The following ABCB11 variants were observed in gnomAD, a reference collection of about 807,000 sequenced individuals.
ABCB11 encodes ATP binding cassette subfamily B member 11, also known as bile salt export pump.
Under a neutral mutation model 148.0 loss-of-function variants are expected in ABCB11, and 95 were observed. That is an observed-to-expected ratio of 0.64 (90% confidence interval 0.54 to 0.76). ABCB11 has a LOEUF of 0.76. Ranked by LOEUF, ABCB11 falls within the 30% of genes least tolerant of loss-of-function variation. The probability of loss-of-function intolerance (pLI) is 0.00; values close to 1 mark genes in which losing one functional copy is unlikely to be tolerated. For synonymous variants in ABCB11, 591 were observed against 555.4 expected (o/e 1.06, Z -0.90); for missense variants, 1,523 against 1,617.8 (o/e 0.94, Z 1.01).
chr2:168,973,099 C>G (rs1252198968), intron 13 of ABCB11, among the ~76,000 whole-genome samples: 3 of 152,048 alleles, frequency 2.0e-5, no homozygotes, highest in Non-Finnish European at 4.4e-5. Context: ...TATTTAGTGT[C>G]TGGAGAACTT....
At chr2:168,969,232 ATAACG>A in intron 16 of ABCB11, 113 bp downstream of exon 16, 1 of 939,472 alleles carries the variant, frequency 1.1e-6, no homozygotes. Context: ...TACCATCTAT[ATAACG>A]CCTGCCAGAG....
At chr2:168,917,405 A>G (rs573497106), downstream of ABCB11, among the ~76,000 whole-genome samples, 2 of 152,354 alleles carry the variant, frequency 1.3e-5, no homozygotes, top group South Asian at 4.1e-4. Context: ...TTACAGATCA[A>G]CTGGAAGAAA....
chr2:168,941,597 C>T (rs1420676328), intron 21 of ABCB11, among the ~76,000 whole-genome samples: 1 of 152,026 alleles, frequency 6.6e-6, no homozygotes, highest in African/African-American at 2.4e-5. Flanking sequence ...AAATCCACTC[C>T]TGGTGAAAAT....
At chr2:168,979,725 T>C (rs1694068973) in intron 11 of ABCB11, 141 bp downstream of exon 11, 2 of 381,542 alleles carry the variant, frequency 5.2e-6, no homozygotes, top group South Asian at 4.1e-5. Flanking sequence ...CATGATAGCA[T>C]TTAATAAGTG....
chr2:169,023,105 C>G (rs1206348819), intron 1 of ABCB11, among the ~76,000 whole-genome samples: 3 of 152,092 alleles, frequency 2.0e-5, no homozygotes, highest in African/African-American at 7.2e-5. Flanking sequence ...CTTTCATGCA[C>G]AGCTAATGAG....
chr2:169,022,460 A>G lies in ABCB11; in HGVS notation c.-27-4308T>C, dbSNP rs561994801. On this transcript the variant is annotated intron_variant, in intron 1 of 27. Coordinates refer to ENST00000650372, the MANE Select transcript of ABCB11 (RefSeq NM_003742.4). Reference sequence around the variant, plus strand: ...TAGTAAATTTGAAAACCAGGTTAAGATTAATTTTCTAGAAAAATATGAGTT... The same window carrying G: ...TAGTAAATTTGAAAACCAGGTTAAGGTTAATTTTCTAGAAAAATATGAGTT... Among the ~76,000 whole-genome samples, 4 of 152,124 alleles carry G rather than the reference A, an allele frequency of 2.6e-5. No individual in the cohort carries two copies. The East Asian group carries it at 7.7e-4, about 29-fold the overall frequency.
At chr2:169,028,974 G>T (rs1200710049) in intron 1 of ABCB11, among the ~76,000 whole-genome samples, 2 of 152,118 alleles carry the variant, frequency 1.3e-5, no homozygotes, top group African/African-American at 2.4e-5. Context: ...GGCCAAGATG[G>T]TAAGAAGAAT....
intron 19 of ABCB11, among the ~76,000 whole-genome samples, chr2:168,952,517 A>G (rs1345252804): frequency 6.6e-6 from 1 of 151,476 alleles, no homozygotes; most frequent in Non-Finnish European, 1.5e-5. Flanking sequence ...AGGTTTTCAT[A>G]ATAGTCTGTG....
downstream of ABCB11, among the ~76,000 whole-genome samples, chr2:168,915,816 T>C (rs1345207421): frequency 1.3e-5 from 2 of 152,346 alleles, no homozygotes; most frequent in South Asian, 4.1e-4. Context: ...CTGGCCTTCA[T>C]CTAGCTGCAA....
Position 168,975,692 on chromosome 2 carries a change from TTA to T in ABCB11, c.1308+883_1308+884del, listed in dbSNP as rs1232980111. 1.1e-4 allele frequency among the ~76,000 whole-genome samples: 3 copies of T among 26,498 alleles called. 1 individual carries two copies. Among genetic ancestry groups the T allele is most frequent in the Non-Finnish European group, 2.8e-4 (3 of 10,814 alleles). The allele number at this position is 26,498 out of a possible 152,430, so 17.4% of individuals were successfully genotyped here. ...TATTATATAAATATTTACCTGCATT[TTA>T]TATATATGTTTACCTTCTCTCTGTA... On this transcript the variant is annotated intron_variant, in intron 12 of 27. Coordinates refer to ENST00000650372, the MANE Select transcript of ABCB11 (RefSeq NM_003742.4).
chr2:169,003,155 T>G (rs941254097), intron 5 of ABCB11, among the ~76,000 whole-genome samples: 2 of 151,984 alleles, frequency 1.3e-5, no homozygotes, highest in African/African-American at 2.4e-5. Context: ...ATCATTCTCA[T>G]GCCTTTGTGT....
At chr2:168,988,095 T>C (rs1694387841) in intron 9 of ABCB11, among the ~76,000 whole-genome samples, 1 of 152,162 alleles carries the variant, frequency 6.6e-6, no homozygotes, top group African/African-American at 2.4e-5. Context: ...AACACATTTC[T>C]TGACTTTATA....
At chr2:168,930,625 C>G (rs1405629377) in intron 25 of ABCB11, 40 bp downstream of exon 25, 1 of 1,448,884 alleles carries the variant, frequency 6.9e-7, no homozygotes, top group Non-Finnish European at 9.1e-7. Context: ...TGGAAATACT[C>G]TGCAGAAGGC....
rs758808335 is a variant in ABCB11, at chr2:168,923,620, G to A, written c.*2C>T. On this transcript the variant is annotated 3_prime_UTR_variant, in exon 28 of 28. Coordinates refer to ENST00000650372, the MANE Select transcript of ABCB11 (RefSeq NM_003742.4). ...ATGTGTGTCTGAGATTCTTGCATTG[G>A]GTCAACTGATGGGGGATCCAGTGGT... is the stretch of plus-strand genomic sequence containing the variant. 4 of 1,613,608 alleles carry A rather than the reference G, an allele frequency of 2.5e-6. No individual in the cohort carries two copies. In the Admixed American group the frequency reaches 6.7e-5, roughly 27 times the overall value.
rs756857601 is a variant in ABCB11, at chr2:168,996,739, A to G, written c.390-17T>C. ...TTCAGCAACCTTCAAAAGAGGGAAA[A>G]GAATGTTCAGACTTGCAAGTAGGAT... On this transcript the variant is annotated splice_polypyrimidine_tract_variant and intron_variant, in intron 5 of 27. Coordinates refer to ENST00000650372, the MANE Select transcript of ABCB11 (RefSeq NM_003742.4). 2.6e-6 allele frequency: 4 copies of G among 1,512,998 alleles called. No homozygotes were observed. Among genetic ancestry groups the G allele is most frequent in the Middle Eastern group, 3.5e-4 (2 of 5,776 alleles). 93.7% of individuals were successfully genotyped at this position (1,512,998 alleles called of 1,614,324 possible).
In ABCB11 at chr2:168,975,859, A is replaced by C. The variant is rs538095470; in HGVS notation, c.1308+718T>G. Among the ~76,000 whole-genome samples the C allele has an allele frequency of 1.5e-4, 21 of 144,494 alleles. No homozygotes were observed. In the Middle Eastern group the frequency reaches 0.011, roughly 78 times the overall value. 94.8% of individuals were successfully genotyped at this position (144,494 alleles called of 152,430 possible). ...GGTGTCAGAATTAAGTTAGGCTAAC[A>C]AAATGGGATTTAGTTCTGTGCAGAT... On this transcript the variant is annotated intron_variant, in intron 12 of 27. Transcript: ENST00000650372.
intron 5 of ABCB11, among the ~76,000 whole-genome samples, chr2:169,010,039 G>A (rs946410297): frequency 5.3e-5 from 8 of 152,140 alleles, no homozygotes; most frequent in African/African-American, 1.9e-4. Flanking sequence ...GCTCCCCAAT[G>A]CCCGCAGTAG....
chr2:168,986,280 C>A lies in ABCB11; in HGVS notation c.913G>T (p.Glu305Ter). 1 of 1,612,234 alleles carries A rather than the reference C, an allele frequency of 6.2e-7. No individual in the cohort carries two copies. Among genetic ancestry groups the A allele is most frequent in the South Asian group, 1.1e-5 (1 of 90,990 alleles). ...CGCTGGGCGAACACAAGATTTTTCT[C>A]ATACCTGTGAAGACAAAATGCTTGA... is the stretch of plus-strand genomic sequence containing the variant. ...GGEKREVERY[E>*]KNLVFAQRWG... The change falls in exon 10 of 28, where the codon GAG becomes TAG. Residue 305 changes from glutamate (E) to a stop codon, truncating the protein, a stop_gained. Transcript: ENST00000650372. LOFTEE classifies it high-confidence loss of function.
intron 8 of ABCB11, 40 bp from the exon 9 acceptor site, chr2:168,990,965 GA>G: frequency 6.2e-7 from 1 of 1,604,284 alleles, no homozygotes; most frequent in Non-Finnish European, 8.5e-7. Flanking sequence ...TGAAGTCCAA[GA>G]AATTAGGTAA....
Sources: gnomAD v4.1 joint callset for allele counts (sites outside exome capture counted in the v4.1 genomes callset) on GRCh38, gnomAD v4.1.1 for gene constraint, MANE v1.5 for transcripts, NCBI Gene and HGNC (gene_info 2026-07-23, HGNC 2026-07-21) for gene names.